Variants in VEGFD observed in about 807,000 individuals in gnomAD.
VEGFD encodes c-fos induced growth factor (vascular endothelial growth factor D).
In VEGFD, 26 loss-of-function variants were observed where a neutral mutation model predicts 28.0. The ratio of observed to expected loss-of-function variants is 0.93; its 90% CI spans 0.68 to 1.29. The LOEUF (loss-of-function observed/expected upper bound fraction) is 1.29. Among genes scored for constraint, VEGFD ranks in the 50% most tolerant of loss-of-function variants. The probability of loss-of-function intolerance (pLI) is 0.00; values close to 1 mark genes in which losing one functional copy is unlikely to be tolerated. For synonymous variants in VEGFD, 93 were observed against 95.5 expected, an observed-to-expected ratio of 0.97 and a Z score of 0.15; for missense variants, 294 against 273.4, an observed-to-expected ratio of 1.08 and a Z score of -0.53.
In VEGFD at chrX:15,350,931, G is replaced by A. The variant is rs188637016; in HGVS notation, c.742+2137C>T. ...GGCCCGAGTGCGGTGGCATGACCTC[G>A]GCTCACTGCAACCTCTGCCTCCCAG... On this transcript the variant is annotated intron_variant, in intron 5 of 6. Coordinates refer to ENST00000297904, the MANE Select transcript of VEGFD (RefSeq NM_004469.5). Among the ~76,000 whole-genome samples, 573 of 102,208 alleles carry A rather than the reference G, an allele frequency of 5.6e-3. 9 individuals are homozygous for A. The highest frequency in any genetic ancestry group is 0.02 in the African/African-American group (544 of 27,752). 88.8% of individuals were successfully genotyped at this position (102,208 alleles called of 115,157 possible). A position where few individuals can be genotyped will look rare whatever the true frequency, so the allele number is the denominator to read the frequency against.
intron 5 of VEGFD, among the ~76,000 whole-genome samples, chrX:15,351,837 T>A (rs1602221859): frequency 8.9e-6 from 1 of 112,817 alleles, no homozygotes; most frequent in South Asian, 3.6e-4. Flanking sequence ...ATAAAATATA[T>A]TAAGATAAAT....
At chrX:15,368,075 A>AAAG (rs1160082512) in intron 1 of VEGFD, among the ~76,000 whole-genome samples, 6 of 104,372 alleles carry the variant, frequency 5.7e-5, no homozygotes, top group African/African-American at 1.4e-4. Context: ...AGAAAGAAAG[A>AAAG]AAGAAAGAAA....
chrX:15,375,694 AGAGT>A (rs1464708509), intron 1 of VEGFD, among the ~76,000 whole-genome samples: 1 of 111,888 alleles, frequency 8.9e-6, no homozygotes, highest in Non-Finnish European at 1.9e-5. Context: ...ATGCAGGAAA[AGAGT>A]GTGTGTGTGA....
Position 15,346,110 on chromosome X carries a change from G to T in VEGFD, c.*23C>A, listed in dbSNP as rs186633943. 1 of 1,206,055 alleles carries T rather than the reference G, an allele frequency of 8.3e-7. No individual in the cohort carries two copies. Among genetic ancestry groups the T allele is most frequent in the South Asian group, 1.8e-5 (1 of 55,814 alleles). ...GCAGCATGCTGTTAAAAATGACAGG[G>T]ATGGGGAACTTGGAACGCTGAATCA... On this transcript the variant is annotated 3_prime_UTR_variant, in exon 7 of 7. Coordinates refer to ENST00000297904, the MANE Select transcript of VEGFD (RefSeq NM_004469.5).
At chrX:15,377,965 C>G (rs1275300987) in intron 1 of VEGFD, among the ~76,000 whole-genome samples, 1 of 111,771 alleles carries the variant, frequency 8.9e-6, no homozygotes, top group Non-Finnish European at 1.9e-5. Flanking sequence ...ATATCCTGGC[C>G]TAACCTGATA....
At chrX:15,355,547 G>T (rs910308168) in intron 3 of VEGFD, among the ~76,000 whole-genome samples, 2 of 111,862 alleles carry the variant, frequency 1.8e-5, no homozygotes, top group Non-Finnish European at 3.8e-5. Context: ...CTTTAAATTT[G>T]AGTGTAAATC....
At chrX:15,375,034 C>T (rs973437663) in intron 1 of VEGFD, among the ~76,000 whole-genome samples, 4 of 111,063 alleles carry the variant, frequency 3.6e-5, no homozygotes, top group African/African-American at 1.3e-4. Flanking sequence ...TTAGGTGTGT[C>T]CTATGTGTTG....
intron 1 of VEGFD, among the ~76,000 whole-genome samples, chrX:15,380,659 C>T (rs745824890): frequency 1.1e-4 from 12 of 113,129 alleles, no homozygotes; most frequent in African/African-American, 3.5e-4. Context: ...CTTTCCCCAG[C>T]ATCTTCAGAA....
At chrX:15,348,441 G>A (rs1360894694) in intron 5 of VEGFD, among the ~76,000 whole-genome samples, 1 of 112,245 alleles carries the variant, frequency 8.9e-6, no homozygotes, top group South Asian at 3.7e-4. Context: ...TGCATTAAAA[G>A]GTTCCCTTCC....
At chrX:15,355,659 T>C (rs1023022530) in intron 3 of VEGFD, among the ~76,000 whole-genome samples, 2 of 112,612 alleles carry the variant, frequency 1.8e-5, no homozygotes, top group African/African-American at 3.2e-5. Flanking sequence ...ACCATCTCTA[T>C]TGAAGAAATA....
At chrX:15,352,776 T>C (rs1440620960) in intron 5 of VEGFD, among the ~76,000 whole-genome samples, 2 of 112,061 alleles carry the variant, frequency 1.8e-5, no homozygotes, top group African/African-American at 3.2e-5. Flanking sequence ...GAGTGATGCA[T>C]TGATGGACTT....
At chrX:15,358,454 T>C (rs773492315) in intron 2 of VEGFD, among the ~76,000 whole-genome samples, 1 of 112,059 alleles carries the variant, frequency 8.9e-6, no homozygotes, top group Non-Finnish European at 1.9e-5. Context: ...CACCATGTCC[T>C]GTACATAATT....
At chrX:15,360,561 T>C (rs1459290469) in intron 2 of VEGFD, among the ~76,000 whole-genome samples, 1 of 110,750 alleles carries the variant, frequency 9.0e-6, no homozygotes, top group Non-Finnish European at 1.9e-5. Context: ...CTGGTCTTGA[T>C]CTCTTAACCT....
chrX:15,351,063 TTAG>T (rs1922704135), intron 5 of VEGFD, among the ~76,000 whole-genome samples: 1 of 84,440 alleles, frequency 1.2e-5, no homozygotes, highest in Non-Finnish European at 2.2e-5. Flanking sequence ...TTTTTTTTTT[TTAG>T]TAGTAGTAGA....
chrX:15,359,317 T>TCA lies in VEGFD; in HGVS notation c.302-1126_302-1125dup, dbSNP rs1476044928. 4.8e-5 allele frequency among the ~76,000 whole-genome samples: 5 copies of TCA among 104,331 alleles called. No individual in the cohort carries two copies. The Admixed American group carries it at 5.2e-4, about 11-fold the overall frequency. The allele number at this position is 104,331 out of a possible 115,157, so 90.6% of individuals were successfully genotyped here. The stretch of plus-strand genomic sequence containing the variant: ...TTCTTTCTTACTCTGTCTCACTTTC[T>TCA]CACACACACTCTCTCTCTCTCTCTC... On this transcript the variant is annotated intron_variant, in intron 2 of 6. Transcript: ENST00000297904.
At chrX:15,379,385 T>C (rs985828792) in intron 1 of VEGFD, among the ~76,000 whole-genome samples, 1 of 111,890 alleles carries the variant, frequency 8.9e-6, no homozygotes, top group Non-Finnish European at 1.9e-5. Flanking sequence ...AAAGCTCTAA[T>C]GAGAGACTAG....
chrX:15,377,496 T>C (rs1923466051), intron 1 of VEGFD, among the ~76,000 whole-genome samples: 1 of 112,545 alleles, frequency 8.9e-6, no homozygotes, highest in African/African-American at 3.2e-5. Flanking sequence ...ATACAATTCA[T>C]TTTCCAGCAC....
chrX:15,359,449 C>A (rs1416663235), intron 2 of VEGFD, among the ~76,000 whole-genome samples: 1 of 99,878 alleles, frequency 1.0e-5, no homozygotes, highest in Non-Finnish European at 2.0e-5. Context: ...CACAGGTATG[C>A]ATGTGCCACG....
At chrX:15,351,295 A>G (rs771763376) in intron 5 of VEGFD, among the ~76,000 whole-genome samples, 166 of 100,553 alleles carry the variant, frequency 1.7e-3, no homozygotes, top group Middle Eastern at 9.9e-3. Context: ...TTTTTTTTGT[A>G]TTTTTAGTAG....
Sources: allele counts gnomAD v4.1 joint callset (sites outside exome capture counted in the v4.1 genomes callset), GRCh38; gene constraint gnomAD v4.1.1; transcripts MANE v1.5; gene names NCBI Gene and HGNC (gene_info 2026-07-23, HGNC 2026-07-21).